Variants in FOXK1 observed in about 807,000 individuals in gnomAD.
FOXK1 encodes forkhead box K1, also known as forkhead box protein K1.
FOXK1 carries 19 observed loss-of-function variants against 51.9 expected under a neutral mutation model. The ratio of observed to expected loss-of-function variants is 0.37; its 90% CI spans 0.26 to 0.54. FOXK1 has a LOEUF of 0.54. Among genes scored for constraint, FOXK1 ranks in the 20% least tolerant of loss-of-function variants. The probability of loss-of-function intolerance (pLI) is 0.87; values close to 1 mark genes in which losing one functional copy is unlikely to be tolerated. For synonymous variants in FOXK1, 537 were observed against 482.6 expected (o/e 1.11, Z -1.48); for missense variants, 870 against 1,032.7 (o/e 0.84, Z 2.16).
Position 4,755,440 on chromosome 7 carries a change from C to T in FOXK1, c.1050+57C>T, listed in dbSNP as rs1292790181. 3.1e-6 allele frequency: 5 copies of T among 1,592,960 alleles called. No individual in the cohort carries two copies. In the East Asian group the frequency reaches 1.1e-4, roughly 36 times the overall value. ...CTGAAGGCCCTTAGAACATGGAACTCACAGGCATATTGCTTCCCTTAAAAC... is the reference window on the plus strand; with the variant it reads ...CTGAAGGCCCTTAGAACATGGAACTTACAGGCATATTGCTTCCCTTAAAAC... On this transcript the variant is annotated intron_variant, in intron 4 of 8. Coordinates refer to ENST00000328914, the MANE Select transcript of FOXK1 (RefSeq NM_001037165.2). The surrounding 1 kb of genome is among the most constrained non-coding windows in gnomAD (Gnocchi z 6.6).
chr7:4,687,886 A>G (rs991130877), intron 1 of FOXK1, among the ~76,000 whole-genome samples: 2 of 151,958 alleles, frequency 1.3e-5, no homozygotes, highest in Admixed American at 1.3e-4. Context: ...GAATGTGGTT[A>G]CTTTTTAAAA....
intron 1 of FOXK1, among the ~76,000 whole-genome samples, chr7:4,710,728 G>T (rs1371668004): frequency 1.3e-5 from 2 of 152,148 alleles, no homozygotes; most frequent in Non-Finnish European, 2.9e-5. Context: ...GCGAGGGTGC[G>T]GTGGTGGCTC....
At chr7:4,736,857 C>G (rs1031739462) in intron 1 of FOXK1, among the ~76,000 whole-genome samples, 3 of 152,174 alleles carry the variant, frequency 2.0e-5, no homozygotes, top group Non-Finnish European at 4.4e-5. Context: ...TGGCGTTCAC[C>G]TTTGTCTCAA....
In FOXK1 at chr7:4,747,183, A is replaced by G. The variant is rs1780714175; in HGVS notation, c.746+6160A>G. On this transcript the variant is annotated intron_variant, in intron 2 of 8. Coordinates refer to ENST00000328914, the MANE Select transcript of FOXK1 (RefSeq NM_001037165.2). This position sits in a 1 kb window ranked among gnomAD's most constrained non-coding sequence, Gnocchi z 9.2. ...GTCCTAGCGCCCGACTTCTCAGGTC[A>G]GCCTCGGGTGACAAGCGGCTTGTGT... Among the ~76,000 whole-genome samples, 1 of 152,200 alleles carries G rather than the reference A, an allele frequency of 6.6e-6. No homozygotes were observed. Among genetic ancestry groups the G allele is most frequent in the South Asian group, 2.1e-4 (1 of 4,828 alleles).
chr7:4,723,540 C>T lies in FOXK1; in HGVS notation c.561-17298C>T, dbSNP rs564143412. Among the ~76,000 whole-genome samples, 6 of 152,258 alleles carry T rather than the reference C, an allele frequency of 3.9e-5. No homozygotes were observed. In the East Asian group the frequency reaches 1.2e-3, roughly 29 times the overall value. ...CTGTTGCCTCTAGGGCCTGTCCATC[C>T]CGTCAGCCCACGGTGCCTCTACAAA... On this transcript the variant is annotated intron_variant, in intron 1 of 8. Coordinates refer to ENST00000328914, the MANE Select transcript of FOXK1 (RefSeq NM_001037165.2). This position sits in a 1 kb window ranked among gnomAD's most constrained non-coding sequence, Gnocchi z 4.7.
Position 4,756,987 on chromosome 7 carries a change from C to T in FOXK1, c.1051-7C>T, listed in dbSNP as rs777379320. The T allele has an allele frequency of 1.2e-6, 2 of 1,612,184 alleles. No individual in the cohort carries two copies. Among genetic ancestry groups the T allele is most frequent in the Non-Finnish European group, 8.5e-7 (1 of 1,179,226 alleles). ...GGTGATGGGTGAATATCTCTGCTTCCCTGCAGAATTCTATCCGGCACAACC... is the reference window on the plus strand; with the variant it reads ...GGTGATGGGTGAATATCTCTGCTTCTCTGCAGAATTCTATCCGGCACAACC... On this transcript the variant is annotated splice_polypyrimidine_tract_variant and splice_region_variant and intron_variant, in intron 4 of 8. Coordinates refer to ENST00000328914, the MANE Select transcript of FOXK1 (RefSeq NM_001037165.2). This position sits in a 1 kb window ranked among gnomAD's most constrained non-coding sequence, Gnocchi z 4.1.
intron 1 of FOXK1, among the ~76,000 whole-genome samples, chr7:4,684,020 G>A (rs1246347488): frequency 6.6e-6 from 1 of 152,128 alleles, no homozygotes; most frequent in East Asian, 1.9e-4. Context: ...GGGCCTGGAC[G>A]GCTGCCCAGG....
At chr7:4,717,887 G>A (rs906959981) in intron 1 of FOXK1, among the ~76,000 whole-genome samples, 1 of 152,162 alleles carries the variant, frequency 6.6e-6, no homozygotes, top group Non-Finnish European at 1.5e-5. Flanking sequence ...GTCTCAGATT[G>A]GGTGATGGTT....
At chr7:4,706,732 G>A (rs1780107031) in intron 1 of FOXK1, among the ~76,000 whole-genome samples, 1 of 152,248 alleles carries the variant, frequency 6.6e-6, no homozygotes. Flanking sequence ...GACACGTACA[G>A]GGTGAAACGT....
chr7:4,739,269 A>C (rs2115060107), intron 1 of FOXK1, among the ~76,000 whole-genome samples: 1 of 152,280 alleles, frequency 6.6e-6, no homozygotes, highest in Middle Eastern at 3.4e-3. Context: ...TGAAAAGCGC[A>C]TTATCACCGG....
rs867558764 is a variant in FOXK1 at position 4,749,917 on chromosome 7, C to A, written c.747-4542C>A. On this transcript the variant is annotated intron_variant, in intron 2 of 8. Transcript: ENST00000328914. This position sits in a 1 kb window ranked among gnomAD's most constrained non-coding sequence, Gnocchi z 6.0. The stretch of plus-strand genomic sequence containing the variant: ...CCTGTGTGTCCCACAGCCCGTCCGT[C>A]CCTCTGCAGTCTCCCTGCACTGGCA... 2.0e-5 allele frequency among the ~76,000 whole-genome samples: 3 copies of A among 152,202 alleles called. No individual in the cohort carries two copies. The highest frequency in any genetic ancestry group is 7.2e-5 in the African/African-American group (3 of 41,450).
At position 4,756,377 on chromosome 7, in the gene FOXK1, A is replaced by C. The variant is rs1215435505; in HGVS notation, c.1051-617A>C. On this transcript the variant is annotated intron_variant, in intron 4 of 8. Coordinates refer to ENST00000328914, the MANE Select transcript of FOXK1 (RefSeq NM_001037165.2). This position sits in a 1 kb window ranked among gnomAD's most constrained non-coding sequence, Gnocchi z 4.1. ...TAATCCTGCCAGCCTCGGCTTCCCA[A>C]AGTGCTGGGATTACAGGCGTGAGCC... is the stretch of plus-strand genomic sequence containing the variant. Among the ~76,000 whole-genome samples, 1 of 151,956 alleles carries C rather than the reference A, an allele frequency of 6.6e-6. No homozygotes were observed. Among genetic ancestry groups the C allele is most frequent in the Non-Finnish European group, 1.5e-5 (1 of 67,976 alleles).
At position 4,715,800 on chromosome 7, in the gene FOXK1, C is replaced by T. The variant is rs142905562; in HGVS notation, c.561-25038C>T. ...ACCGAAGAGCGCTCCCATCCACAGC[C>T]GGCTCTTTGAATACTTAAAGAAATG... On this transcript the variant is annotated intron_variant, in intron 1 of 8. Transcript: ENST00000328914. The surrounding 1 kb of genome is among the most constrained non-coding windows in gnomAD (Gnocchi z 4.5). Among the ~76,000 whole-genome samples, 84 of 152,264 alleles carry T rather than the reference C, an allele frequency of 5.5e-4. No individual in the cohort carries two copies. Among genetic ancestry groups the T allele is most frequent in the Non-Finnish European group, 2.5e-4 (17 of 68,026 alleles).
Position 4,761,345 on chromosome 7 carries a change from T to G in FOXK1, c.1921+57T>G, listed in dbSNP as rs912177671. Reference sequence around the variant, plus strand: ...TCCCAAGCTCTGTGGCTCCCAGTAGTCAGTGCGGCATGAGAATGTTCTCCC... The same window carrying G: ...TCCCAAGCTCTGTGGCTCCCAGTAGGCAGTGCGGCATGAGAATGTTCTCCC... On this transcript the variant is annotated intron_variant, in intron 8 of 8. Transcript: ENST00000328914. The surrounding 1 kb of genome is among the most constrained non-coding windows in gnomAD (Gnocchi z 6.2). 1 of 1,514,724 alleles carries G rather than the reference T, an allele frequency of 6.6e-7. No homozygotes were observed. 93.8% of individuals were successfully genotyped at this position (1,514,724 alleles called of 1,614,324 possible).
At position 4,682,340 on chromosome 7, in the gene FOXK1, G is replaced by C; in HGVS notation, c.32G>C (p.Arg11Pro). 1.0e-6 allele frequency: 1 copy of C among 994,048 alleles called. No individual in the cohort carries two copies. The highest frequency in any genetic ancestry group is 4.2e-5 in the South Asian group (1 of 23,746). 61.6% of individuals were successfully genotyped at this position (994,048 alleles called of 1,614,324 possible). The change falls in exon 1 of 9, where the codon CGC becomes CCC. Residue 11 changes from arginine (R) to proline (P), a missense_variant. Physicochemically the swap from Arg to Pro is moderately radical, Grantham distance 103. Coordinates refer to ENST00000328914, the MANE Select transcript of FOXK1 (RefSeq NM_001037165.2). This position sits in a 1 kb window ranked among gnomAD's most constrained non-coding sequence, Gnocchi z 7.6. MAEVGEDSGA[R>P]ALLALRSAPC... Reference sequence around the variant, plus strand: ...GAAGTCGGCGAGGACAGCGGCGCCCGCGCCCTGCTCGCGCTGCGCTCGGCG... The same window carrying C: ...GAAGTCGGCGAGGACAGCGGCGCCCCCGCCCTGCTCGCGCTGCGCTCGGCG...
At chr7:4,740,684 G>A (rs1040808091) in intron 1 of FOXK1, among the ~76,000 whole-genome samples, 154 bp from the exon 2 acceptor site, 2 of 152,150 alleles carry the variant, frequency 1.3e-5, no homozygotes, top group African/African-American at 2.4e-5. Flanking sequence ...CAGTTCCTAA[G>A]TGTCCTGATA....
chr7:4,764,452 G>A lies in FOXK1; in HGVS notation c.*1988G>A, dbSNP rs369844519. ...AGCCGGCTGTCCTGGGTGCAGTTAC[G>A]TCCGTGGAGGGTGAGAGATTGCGCC... On this transcript the variant is annotated 3_prime_UTR_variant, in exon 9 of 9. Coordinates refer to ENST00000328914, the MANE Select transcript of FOXK1 (RefSeq NM_001037165.2). 34 of 154,678 alleles carry A rather than the reference G, an allele frequency of 2.2e-4. 1 individual carries two copies. The East Asian group carries it at 3.9e-3, about 18-fold the overall frequency. The allele number at this position is 154,678 out of a possible 1,614,324, so 9.6% of individuals were successfully genotyped here.
At chr7:4,687,441 CGT>C (rs1779835985) in intron 1 of FOXK1, among the ~76,000 whole-genome samples, 2 of 151,768 alleles carry the variant, frequency 1.3e-5, no homozygotes, top group East Asian at 1.9e-4. Context: ...TACAGGCGCA[CGT>C]CACCACGCCT....
At position 4,755,024 on chromosome 7, in the gene FOXK1, A is replaced by G. The variant is rs1454996926; in HGVS notation, c.904-213A>G. On this transcript the variant is annotated intron_variant, in intron 3 of 8. Transcript: ENST00000328914. This position sits in a 1 kb window ranked among gnomAD's most constrained non-coding sequence, Gnocchi z 6.6. ...TGAGAAATTTCAGAATTAAATTATA[A>G]TAAAACCGAAGTTTTCCTTCCCATG... The G allele has an allele frequency of 1.7e-6, 1 of 599,544 alleles. No individual in the cohort carries two copies. Among genetic ancestry groups the G allele is most frequent in the East Asian group, 2.8e-5 (1 of 35,126 alleles). The allele number at this position is 599,544 out of a possible 1,614,324, so 37.1% of individuals were successfully genotyped here.
Sources: gnomAD v4.1 joint callset for allele counts (sites outside exome capture counted in the v4.1 genomes callset) on GRCh38, gnomAD v4.1.1 for gene constraint, Gnocchi (gnomAD v3.1) non-coding constraint, MANE v1.5 for transcripts, NCBI Gene and HGNC (gene_info 2026-07-23, HGNC 2026-07-21) for gene names.